ZDHHC14: variants seen among roughly 807,000 people sequenced by gnomAD.
ZDHHC14 encodes palmitoyltransferase ZDHHC14.
Under a neutral mutation model 47.7 loss-of-function variants are expected in ZDHHC14, and 16 were observed. The ratio of observed to expected loss-of-function variants is 0.34; its 90% CI spans 0.23 to 0.51. The LOEUF (loss-of-function observed/expected upper bound fraction) is 0.51. Among genes scored for constraint, ZDHHC14 ranks in the 20% least tolerant of loss-of-function variants. The pLI, the probability that ZDHHC14 is intolerant of heterozygous loss-of-function variation, is 0.97. For synonymous variants in ZDHHC14, 293 were observed against 278.9 expected, an observed-to-expected ratio of 1.05 and a Z score of -0.50; for missense variants, 515 against 662.5, an observed-to-expected ratio of 0.78 and a Z score of 2.44.
intron 8 of ZDHHC14, among the ~76,000 whole-genome samples, chr6:157,668,107 C>T (rs1778631621): frequency 6.6e-6 from 1 of 152,204 alleles, no homozygotes. Flanking sequence ...CTGTGAACTA[C>T]ACGCAGGACT....
At chr6:157,387,533 G>T (rs888856661) in intron 1 of ZDHHC14, among the ~76,000 whole-genome samples, 1 of 152,136 alleles carries the variant, frequency 6.6e-6, no homozygotes, top group African/African-American at 2.4e-5. Flanking sequence ...AACACCATGG[G>T]GTTGATACAG....
At chr6:157,577,092 C>T (rs1299731702) in intron 2 of ZDHHC14, among the ~76,000 whole-genome samples, 2 of 152,150 alleles carry the variant, frequency 1.3e-5, no homozygotes, top group Non-Finnish European at 2.9e-5. Context: ...TTAGCTCCCA[C>T]TTGTAAGTGA....
intron 5 of ZDHHC14, among the ~76,000 whole-genome samples, chr6:157,642,939 G>T (rs568442577): frequency 1.3e-5 from 2 of 152,180 alleles, no homozygotes; most frequent in Admixed American, 6.5e-5. Context: ...GTAGGTCTAG[G>T]GCCACCTGCC....
intron 8 of ZDHHC14, 33 bp downstream of exon 8, chr6:157,653,660 C>A: frequency 6.3e-7 from 1 of 1,599,464 alleles, no homozygotes; most frequent in Non-Finnish European, 8.5e-7. Context: ...CCTGCGAGGG[C>A]TTCCCTTTTG....
chr6:157,400,298 C>G (rs148786389), intron 1 of ZDHHC14, among the ~76,000 whole-genome samples: 195 of 152,270 alleles, frequency 1.3e-3, no homozygotes, highest in Non-Finnish European at 1.9e-3. Context: ...CACCTTCATC[C>G]TGAGAGCTGC....
chr6:157,653,607 A>G lies in ZDHHC14; in HGVS notation c.1048A>G (p.Thr350Ala), dbSNP rs773258099. 2 of 1,613,614 alleles carry G rather than the reference A, an allele frequency of 1.2e-6. No individual in the cohort carries two copies. Among genetic ancestry groups the G allele is most frequent in the South Asian group, 1.1e-5 (1 of 91,078 alleles). The change falls in exon 8 of 9, where the codon ACG (threonine) becomes GCG (alanine). Residue 350 changes from threonine to alanine, a missense_variant. By Grantham distance (58) the Thr-to-Ala change is moderately conservative (BLOSUM62 0). This residue lies in a region of ZDHHC14 where 221 missense variants were observed against 233.6 expected (regional missense o/e 0.95). Transcript: ENST00000359775. ...CAATGGCATCACCATGTACGGGGCC[A>G]CGCAGTCACAGAGTGACATGGTAGG... ...PSNGITMYGA[T>A]QSQSDMCDQD...
intron 2 of ZDHHC14, 172 bp from the exon 3 acceptor site, chr6:157,592,816 G>T: frequency 7.0e-6 from 10 of 1,425,276 alleles, no homozygotes; most frequent in Non-Finnish European, 9.2e-6. Context: ...AGGAGGCCGG[G>T]GTCCCAGCGG....
chr6:157,403,777 A>G (rs543004844), intron 1 of ZDHHC14, among the ~76,000 whole-genome samples: 3 of 152,382 alleles, frequency 2.0e-5, no homozygotes, highest in African/African-American at 7.2e-5. Flanking sequence ...ATGTGACACC[A>G]TAACATAGAC....
At chr6:157,510,890 A>C (rs1036908977) in intron 1 of ZDHHC14, among the ~76,000 whole-genome samples, 1 of 152,260 alleles carries the variant, frequency 6.6e-6, no homozygotes, top group Non-Finnish European at 1.5e-5. Flanking sequence ...CAGCGGTTTC[A>C]GTAACCATAC....
intron 3 of ZDHHC14, among the ~76,000 whole-genome samples, chr6:157,614,920 G>A (rs1407604631): frequency 2.0e-5 from 3 of 151,814 alleles, no homozygotes; most frequent in Non-Finnish European, 4.4e-5. Context: ...ACAGGTGCCC[G>A]CCACCACACC....
At chr6:157,665,268 G>A (rs1778503733) in intron 8 of ZDHHC14, among the ~76,000 whole-genome samples, 1 of 152,162 alleles carries the variant, frequency 6.6e-6, no homozygotes, top group South Asian at 2.1e-4. Context: ...TATAATTAGA[G>A]GACATGTTAC....
At chr6:157,560,083 C>T (rs776361519) in intron 2 of ZDHHC14, among the ~76,000 whole-genome samples, 13 of 152,230 alleles carry the variant, frequency 8.5e-5, no homozygotes, top group African/African-American at 1.2e-4. Flanking sequence ...CCTTTCCACT[C>T]ATGCAGGCAC....
Position 157,586,166 on chromosome 6 carries a change from C to T in ZDHHC14, c.407-6822C>T, listed in dbSNP as rs1057062403. 6.6e-6 allele frequency among the ~76,000 whole-genome samples: 1 copy of T among 152,156 alleles called. No individual in the cohort carries two copies. Among genetic ancestry groups the T allele is most frequent in the African/African-American group, 2.4e-5 (1 of 41,432 alleles). On this transcript the variant is annotated intron_variant, in intron 2 of 8. Transcript: ENST00000359775. This position sits in a 1 kb window ranked among gnomAD's most constrained non-coding sequence, Gnocchi z 4.6. ...ACCAGCAGAGAAGAAGTCTGAGTTCCTGCTGTGTCCCCAGCTCAGAGCCCA... is the reference window on the plus strand; with the variant it reads ...ACCAGCAGAGAAGAAGTCTGAGTTCTTGCTGTGTCCCCAGCTCAGAGCCCA...
At chr6:157,606,587 C>T (rs940270252) in intron 3 of ZDHHC14, among the ~76,000 whole-genome samples, 3 of 152,196 alleles carry the variant, frequency 2.0e-5, no homozygotes, top group African/African-American at 7.2e-5. Flanking sequence ...TCCAGTGGTC[C>T]GCCCCATGGC....
chr6:157,435,891 G>A (rs1165127653), intron 1 of ZDHHC14, among the ~76,000 whole-genome samples: 2 of 152,190 alleles, frequency 1.3e-5, no homozygotes, highest in African/African-American at 4.8e-5. Flanking sequence ...GTGGCAGAAA[G>A]CCTGGCACAT....
intron 1 of ZDHHC14, among the ~76,000 whole-genome samples, chr6:157,435,565 G>T (rs1778424389): frequency 6.6e-6 from 1 of 151,676 alleles, no homozygotes; most frequent in South Asian, 2.1e-4. Context: ...TTTAAGATAG[G>T]GTCTGGCTCT....
At chr6:157,421,225 C>T (rs915087259) in intron 1 of ZDHHC14, among the ~76,000 whole-genome samples, 5 of 151,810 alleles carry the variant, frequency 3.3e-5, no homozygotes, top group Non-Finnish European at 7.4e-5. Flanking sequence ...ACTGCCTGGG[C>T]GCGGTGGCTC....
At chr6:157,429,098 G>A (rs1778284395) in intron 1 of ZDHHC14, among the ~76,000 whole-genome samples, 1 of 152,106 alleles carries the variant, frequency 6.6e-6, no homozygotes, top group Non-Finnish European at 1.5e-5. Flanking sequence ...GAAGGGAACG[G>A]CCTAGGATCC....
intron 1 of ZDHHC14, among the ~76,000 whole-genome samples, chr6:157,449,473 A>T (rs1032946799): frequency 6.6e-6 from 1 of 152,294 alleles, no homozygotes; most frequent in African/African-American, 2.4e-5. Flanking sequence ...AATGGGGAAA[A>T]CGTCATCACA....
Sources: gnomAD v4.1 joint callset for allele counts (sites outside exome capture counted in the v4.1 genomes callset) on GRCh38, gnomAD v4.1.1 for gene constraint, gnomAD v4.1.1 regional missense constraint, Gnocchi (gnomAD v3.1) non-coding constraint, MANE v1.5 for transcripts, NCBI Gene and HGNC (gene_info 2026-07-23, HGNC 2026-07-21) for gene names.